Variants in ANTXRL observed in about 807,000 individuals in gnomAD.
ANTXRL encodes anthrax toxin receptor-like.
ANTXRL carries 63 observed loss-of-function variants against 75.4 expected under a neutral mutation model. The ratio of observed to expected loss-of-function variants is 0.84; its 90% CI spans 0.68 to 1.03. ANTXRL has a LOEUF of 1.03. Among genes scored for constraint, ANTXRL ranks in the 50% least tolerant of loss-of-function variants. ANTXRL has a pLI of 0.00. For missense variants in ANTXRL, 797 were observed against 789.4 expected (o/e 1.01, Z -0.12); for synonymous variants, 335 against 291.3 (o/e 1.15, Z -1.53).
intron 14 of ANTXRL, 34 bp from the exon 15 acceptor site, chr10:46,311,476 C>T (rs1299793450): frequency 7.2e-5 from 109 of 1,506,042 alleles, no homozygotes; most frequent in Non-Finnish European, 9.0e-5. Flanking sequence ...GCCCTGCCAG[C>T]ACTGTGAGCA....
chr10:46,301,465 C>T (rs1443617438), intron 9 of ANTXRL, among the ~76,000 whole-genome samples: 1 of 152,170 alleles, frequency 6.6e-6, no homozygotes, highest in East Asian at 1.9e-4. Flanking sequence ...GCCAGGCTGG[C>T]ACCTTGAGCA....
chr10:46,314,564 TGA>T (rs1305426077), intron 16 of ANTXRL, among the ~76,000 whole-genome samples: 1 of 151,362 alleles, frequency 6.6e-6, no homozygotes, highest in East Asian at 2.0e-4. Flanking sequence ...TCCAGTGTGG[TGA>T]GACAGGGGAT....
At chr10:46,297,945 G>A (rs2132697538) in intron 8 of ANTXRL, 34 bp downstream of exon 8, 1 of 1,535,790 alleles carries the variant, frequency 6.5e-7, no homozygotes, top group East Asian at 2.4e-5. Context: ...TGGGGACCTG[G>A]ATCCTTTGGC....
intron 2 of ANTXRL, among the ~76,000 whole-genome samples, chr10:46,293,496 G>A (rs77866445): frequency 0.032 from 4,112 of 127,170 alleles, 196 homozygotes; most frequent in African/African-American, 0.11. Context: ...GTGTTTGTGT[G>A]GTGTGTGCAC....
At chr10:46,293,320 C>G (rs537460106) in intron 2 of ANTXRL, among the ~76,000 whole-genome samples, 11 of 70,554 alleles carry the variant, frequency 1.6e-4, no homozygotes, top group Admixed American at 1.2e-3. Flanking sequence ...GCGTGTGTGC[C>G]TGTGTGTGAG....
chr10:46,287,451 C>T lies in ANTXRL; in HGVS notation c.189C>T (p.Arg63=), dbSNP rs1836811871. ...HHGPGWRQHW[R]QGQAGHRCQG... is the part of the protein sequence containing the mutation. ...GCCCAGGATGGAGGCAGCACTGGCG[C>T]CAGGGGCAAGCAGGTCACAGATGCC... The change falls in exon 1 of 17, where the codon CGC becomes CGT. Residue 63 remains arginine (R), a synonymous_variant. Transcript: ENST00000620264. 1 of 1,535,860 alleles carries T rather than the reference C, an allele frequency of 6.5e-7. No homozygotes were observed.
chr10:46,297,916 G>A lies in ANTXRL; in HGVS notation c.735+5G>A. On this transcript the variant is annotated splice_donor_5th_base_variant and intron_variant, in intron 8 of 16. Transcript: ENST00000620264. ...CTGAGAAGCACCATTGATGCCGTGA[G>A]TGGGCAGAGGTGAGGGGCTGGGGAC... is the stretch of plus-strand genomic sequence containing the variant. The A allele has an allele frequency of 6.5e-7, 1 of 1,535,918 alleles. No individual in the cohort carries two copies. Among genetic ancestry groups the A allele is most frequent in the Non-Finnish European group, 8.7e-7 (1 of 1,146,740 alleles).
intron 13 of ANTXRL, 87 bp from the exon 14 acceptor site, chr10:46,310,374 C>T: frequency 2.3e-6 from 3 of 1,300,628 alleles, no homozygotes; most frequent in East Asian, 2.5e-5. Flanking sequence ...CCTGGTGCTC[C>T]AGGCCAGGGT....
Position 46,309,143 on chromosome 10 carries a change from C to T in ANTXRL, c.1075C>T (p.Pro359Ser). Reference sequence around the variant, plus strand: ...TTTCCGCAACTGGCTCTATTTTGTGCCACTCCTGCTGCTTGTGCCACTGCT... The same window carrying T: ...TTTCCGCAACTGGCTCTATTTTGTGTCACTCCTGCTGCTTGTGCCACTGCT... ...GIFRNWLYFV[P>S]LLLLVPLLLC... The change falls in exon 13 of 17, where the codon CCA becomes TCA. Residue 359 changes from proline to serine, a missense_variant. Pro to Ser is a moderately conservative substitution (Grantham distance 74). Transcript: ENST00000620264. 1 of 1,535,718 alleles carries T rather than the reference C, an allele frequency of 6.5e-7. No individual in the cohort carries two copies. The highest frequency in any genetic ancestry group is 8.7e-7 in the Non-Finnish European group (1 of 1,146,642).
At chr10:46,309,283 C>A in intron 13 of ANTXRL, 81 bp downstream of exon 13, 1 of 1,500,806 alleles carries the variant, frequency 6.7e-7, no homozygotes, top group South Asian at 1.2e-5. Context: ...GACTGCCCCC[C>A]GTGATCCCGC....
chr10:46,329,421 T>G (rs1203308601), intron 16 of ANTXRL, among the ~76,000 whole-genome samples, 178 bp from the exon 17 acceptor site: 2 of 152,048 alleles, frequency 1.3e-5, no homozygotes, highest in Non-Finnish European at 2.9e-5. Context: ...GAGCTGAGTC[T>G]GGAAGGAGGA....
At chr10:46,300,691 G>A (rs1554960296) in intron 9 of ANTXRL, among the ~76,000 whole-genome samples, 1 of 152,100 alleles carries the variant, frequency 6.6e-6, no homozygotes, top group Non-Finnish European at 1.5e-5. Context: ...CTGTTCAAAG[G>A]GCACCTCATC....
At chr10:46,293,610 A>G (rs1455185085) in intron 2 of ANTXRL, among the ~76,000 whole-genome samples, 1 of 150,708 alleles carries the variant, frequency 6.6e-6, no homozygotes, top group Non-Finnish European at 1.5e-5. Flanking sequence ...GGGTGTTGGG[A>G]GTGTGGGGAT....
chr10:46,296,286 G>T, intron 5 of ANTXRL, 34 bp downstream of exon 5: 1 of 1,533,892 alleles, frequency 6.5e-7, no homozygotes, highest in Non-Finnish European at 8.7e-7. Context: ...TGGTCCTGTA[G>T]GGGGAACAGA....
At chr10:46,316,677 G>GA (rs1284303054) in intron 16 of ANTXRL, among the ~76,000 whole-genome samples, 2 of 152,126 alleles carry the variant, frequency 1.3e-5, no homozygotes, top group African/African-American at 2.4e-5. Context: ...GTGATCTATG[G>GA]AACACCTGCA....
intron 16 of ANTXRL, among the ~76,000 whole-genome samples, chr10:46,323,302 C>G (rs782137345): frequency 2.6e-4 from 39 of 152,104 alleles, no homozygotes; most frequent in Admixed American, 3.9e-4. Context: ...AAAATAATAA[C>G]TCAGGATTAG....
chr10:46,316,630 G>A (rs1191408251), intron 16 of ANTXRL, among the ~76,000 whole-genome samples: 3 of 152,152 alleles, frequency 2.0e-5, no homozygotes, highest in African/African-American at 7.2e-5. Context: ...GGAGGCTCAT[G>A]TCTGAGTCAG....
At chr10:46,297,563 C>G in intron 7 of ANTXRL, 89 bp downstream of exon 7, 1 of 1,356,066 alleles carries the variant, frequency 7.4e-7, no homozygotes, top group East Asian at 2.5e-5. Flanking sequence ...GGACGGTTGT[C>G]TAAGCTGCCC....
intron 2 of ANTXRL, among the ~76,000 whole-genome samples, chr10:46,293,555 G>GCC (rs374100434): frequency 3.6e-5 from 2 of 54,846 alleles, no homozygotes; most frequent in African/African-American, 7.0e-5. Context: ...ATATGTGTGT[G>GCC]AGTGTGTGCC....
Sources: gnomAD v4.1 joint callset for allele counts (sites outside exome capture counted in the v4.1 genomes callset) on GRCh38, gnomAD v4.1.1 for gene constraint, MANE v1.5 for transcripts, NCBI Gene and HGNC (gene_info 2026-07-23, HGNC 2026-07-21) for gene names.